Variants in TENM3 observed in about 807,000 individuals in gnomAD.
TENM3 encodes the protein teneurin transmembrane protein 3, also known as teneurin-3.
TENM3 carries 63 observed loss-of-function variants against 255.1 expected under a neutral mutation model. The observed-to-expected ratio is 0.25, with a 90% CI of 0.20 to 0.30. The LOEUF is 0.30. TENM3 is among the 10% of genes least tolerant of loss of function. The probability of loss-of-function intolerance (pLI) is 1.00; values close to 1 mark genes in which losing one functional copy is unlikely to be tolerated. For missense variants in TENM3, 2,929 were observed against 3,461.1 expected (o/e 0.85, Z 3.86); for synonymous variants, 1,306 against 1,322.3 (o/e 0.99, Z 0.27).
chr4:182,572,843 G>C (rs1580982515), intron 3 of TENM3, among the ~76,000 whole-genome samples: 1 of 152,204 alleles, frequency 6.6e-6, no homozygotes, highest in Admixed American at 6.5e-5. Flanking sequence ...GATCTTGTGG[G>C]GGTCAGAAGT....
the TENM3 span, among the ~76,000 whole-genome samples, chr4:182,115,463 A>G: frequency 6.6e-6 from 1 of 152,232 alleles, no homozygotes; most frequent in Admixed American, 6.5e-5. Context: ...CAATATAACC[A>G]GTACAATAGT....
intron 13 of TENM3, among the ~76,000 whole-genome samples, chr4:182,720,605 A>G (rs1317164181): frequency 1.6e-4 from 25 of 152,176 alleles, no homozygotes; most frequent in Admixed American, 1.6e-3. Context: ...AGTGAATCCC[A>G]TTCTGGGGGA....
chr4:182,228,299 T>A (rs531507243), intron 1 of TENM3, among the ~76,000 whole-genome samples: 1 of 151,952 alleles, frequency 6.6e-6, no homozygotes, highest in Non-Finnish European at 1.5e-5. Flanking sequence ...ACCATTTTAC[T>A]ATCTATATGT....
In TENM3 at chr4:182,168,335, A is replaced by G. The variant is rs138988590; in HGVS notation, c.-76+23581A>G. Among the ~76,000 whole-genome samples the G allele has an allele frequency of 1.4e-4, 21 of 152,078 alleles. No individual in the cohort carries two copies. In the East Asian group the frequency reaches 3.7e-3, roughly 27 times the overall value. ...TTTTTTATAGGGACTGGGTCTCACT[A>G]TGTTGCCCAGGCTGATCTCAAACAC... On this transcript the variant is annotated intron_variant, in intron 1 of 2. Coordinates refer to the TENM3 transcript ENST00000512480.
the TENM3 span, among the ~76,000 whole-genome samples, chr4:181,900,555 T>G: frequency 6.6e-6 from 1 of 152,186 alleles, no homozygotes; most frequent in Admixed American, 6.6e-5. Flanking sequence ...ACCTAGAGAT[T>G]TAGAATTTCA....
At chr4:182,518,366 T>C (rs569666093) in intron 3 of TENM3, among the ~76,000 whole-genome samples, 3 of 152,248 alleles carry the variant, frequency 2.0e-5, no homozygotes, top group Admixed American at 6.5e-5. Flanking sequence ...TCTTATGTTA[T>C]ATGGGAAAGG....
At chr4:181,544,510 A>G in the TENM3 span, among the ~76,000 whole-genome samples, 53 of 139,830 alleles carry the variant, frequency 3.8e-4, no homozygotes, top group African/African-American at 1.6e-3. Context: ...TCATGGAAGC[A>G]TTTAATTCCA....
the TENM3 span, among the ~76,000 whole-genome samples, chr4:181,908,918 G>A: frequency 6.6e-6 from 1 of 152,214 alleles, no homozygotes; most frequent in East Asian, 1.9e-4. Context: ...CAAGCGAGGT[G>A]TAGAGGTTTT....
chr4:182,339,301 G>A (rs965203771), intron 2 of TENM3, among the ~76,000 whole-genome samples: 5 of 152,162 alleles, frequency 3.3e-5, no homozygotes, highest in African/African-American at 9.7e-5. Flanking sequence ...AAATGTCAGC[G>A]GCAGGATTAA....
chr4:181,624,485 CTCT>C, the TENM3 span, among the ~76,000 whole-genome samples: 4 of 152,164 alleles, frequency 2.6e-5, no homozygotes, highest in South Asian at 2.1e-4. Context: ...AATAACTGAC[CTCT>C]TCTTTGTTCA....
chr4:181,561,347 A>G, the TENM3 span, among the ~76,000 whole-genome samples: 1 of 151,132 alleles, frequency 6.6e-6, no homozygotes, highest in Non-Finnish European at 1.5e-5. Flanking sequence ...TGAACCAAAA[A>G]CTTTCTTGAG....
At chr4:182,204,264 C>G (rs1754401330) in intron 1 of TENM3, among the ~76,000 whole-genome samples, 1 of 152,196 alleles carries the variant, frequency 6.6e-6, no homozygotes, top group African/African-American at 2.4e-5. Flanking sequence ...ATAATGCTGA[C>G]TGAAGCGGTG....
At chr4:182,123,987 G>C in the TENM3 span, among the ~76,000 whole-genome samples, 3 of 152,128 alleles carry the variant, frequency 2.0e-5, no homozygotes, top group Non-Finnish European at 4.4e-5. Flanking sequence ...ACTGCAGAAG[G>C]AGTTAATTTT....
intron 12 of TENM3, among the ~76,000 whole-genome samples, chr4:182,692,695 A>G (rs956349913): frequency 2.6e-5 from 4 of 152,246 alleles, no homozygotes; most frequent in Admixed American, 2.0e-4. Flanking sequence ...GTCAGAAAGC[A>G]TATTTAAATC....
the TENM3 span, among the ~76,000 whole-genome samples, chr4:181,508,725 A>T: frequency 6.6e-6 from 1 of 151,958 alleles, no homozygotes; most frequent in African/African-American, 2.4e-5. Context: ...GTTTTGTCCC[A>T]CTTTTGCCAT....
chr4:182,635,785 C>T (rs1357541449), intron 5 of TENM3, among the ~76,000 whole-genome samples: 1 of 152,152 alleles, frequency 6.6e-6, no homozygotes, highest in Non-Finnish European at 1.5e-5. Flanking sequence ...AGGTTCATTG[C>T]AGTTATGATT....
intron 1 of TENM3, among the ~76,000 whole-genome samples, chr4:182,168,126 T>C (rs1751843411): frequency 6.6e-6 from 1 of 151,940 alleles, no homozygotes. Flanking sequence ...TAATCACATA[T>C]ATATTTTCTT....
Position 182,346,846 on chromosome 4 carries a change from G to T in TENM3, c.428G>T (p.Arg143Leu). ...TGGGGCAGGGGGGTCAAATCAGGCC[G>T]CAGCTCCTGCCTGTCAAGTCGGTCC... ...RLWGRGVKSG[R>L]SSCLSSRSNS... Residue 143 changes from arginine (R) to leucine (L), a missense_variant, in exon 3 of 28, where the codon CGC becomes CTC. Arg to Leu is a moderately radical substitution (Grantham distance 102). This residue lies in a region of TENM3 where 283 missense variants were observed against 256.9 expected (regional missense o/e 1.10). Coordinates refer to ENST00000511685, the MANE Select transcript of TENM3 (RefSeq NM_001080477.4). The T allele has an allele frequency of 6.2e-7, 1 of 1,612,950 alleles. No individual in the cohort carries two copies.
chr4:181,684,285 C>T, the TENM3 span, among the ~76,000 whole-genome samples: 7 of 152,152 alleles, frequency 4.6e-5, no homozygotes, highest in Non-Finnish European at 1.0e-4. Context: ...AATCATTTTA[C>T]AGATACAAAA....
Sources: gnomAD v4.1 joint callset for allele counts (sites outside exome capture counted in the v4.1 genomes callset) on GRCh38, gnomAD v4.1.1 for gene constraint, gnomAD v4.1.1 regional missense constraint, MANE v1.5 for transcripts, NCBI Gene and HGNC (gene_info 2026-07-23, HGNC 2026-07-21) for gene names.